KCNMB3: variants seen among roughly 807,000 people sequenced by gnomAD.
The protein encoded by KCNMB3 is calcium-activated potassium channel subunit beta-3.
KCNMB3 carries 18 observed loss-of-function variants against 11.9 expected under a neutral mutation model. That is an observed-to-expected ratio of 1.51 (90% CI 1.04 to 2.23). The LOEUF (loss-of-function observed/expected upper bound fraction) is 2.23, where lower values mean the gene tolerates loss of function less well. Among genes scored for constraint, KCNMB3 ranks in the 30% most tolerant of loss-of-function variants. The pLI, the probability that KCNMB3 is intolerant of heterozygous loss-of-function variation, is 0.00. For missense variants in KCNMB3, 247 were observed against 329.4 expected (o/e 0.75, Z 1.94); for synonymous variants, 78 against 119.2 (o/e 0.65, Z 2.25).
rs1725815827 is a variant in KCNMB3, at chr3:179,250,853, T to C, written c.138A>G (p.Pro46=). Residue 46 remains proline, a synonymous_variant, in exon 1 of 3, where the codon CCA becomes CCG. Transcript: ENST00000392685. ...GDPLDVHKRL[P]SSAGEDRAVM... Reference sequence around the variant, plus strand: ...CGGCTCGGTCCTCTCCAGCACTGGATGGCAGCCTCTTGTGCACATCTAGTG... The same window carrying C: ...CGGCTCGGTCCTCTCCAGCACTGGACGGCAGCCTCTTGTGCACATCTAGTG... 1.9e-6 allele frequency: 3 copies of C among 1,614,044 alleles called. No individual in the cohort carries two copies. The African/African-American group carries it at 4.0e-5, about 22-fold the overall frequency.
At chr3:179,261,195 G>A (rs1330718432) in intron 1 of KCNMB3, 2 of 1,349,568 alleles carry the variant, frequency 1.5e-6, no homozygotes, top group Non-Finnish European at 2.0e-6. Flanking sequence ...TTTGCGGCGA[G>A]CCGGGCCTCC....
chr3:179,266,679 G>A (rs1726378031), exon 1 of KCNMB3: 1 of 1,614,080 alleles, frequency 6.2e-7, no homozygotes, highest in East Asian at 2.2e-5. Context: ...GCCCTGAAGT[G>A]TGATTTGCAC....
At chr3:179,265,213 T>C (rs544184837) in intron 1 of KCNMB3, among the ~76,000 whole-genome samples, 3 of 152,328 alleles carry the variant, frequency 2.0e-5, no homozygotes, top group Admixed American at 6.5e-5. Context: ...CTTTCCTCTG[T>C]AGTCTGTCTG....
chr3:179,259,703 G>A, intron 1 of KCNMB3: 1 of 1,594,792 alleles, frequency 6.3e-7, no homozygotes, highest in Non-Finnish European at 8.5e-7. Context: ...TGGGTACTGG[G>A]GATTTTTTCC....
chr3:179,262,752 C>G (rs896668767), intron 1 of KCNMB3, among the ~76,000 whole-genome samples: 15 of 152,160 alleles, frequency 9.9e-5, no homozygotes, highest in African/African-American at 3.4e-4. Context: ...TCTCCACATC[C>G]CCACTAGATT....
intron 1 of KCNMB3, among the ~76,000 whole-genome samples, chr3:179,246,137 C>T (rs867433362): frequency 8.6e-5 from 13 of 151,950 alleles, no homozygotes; most frequent in African/African-American, 2.4e-4. Flanking sequence ...CAGGGCCAGG[C>T]GCAGTGGCTC....
At chr3:179,255,566 G>C (rs554154523), upstream of KCNMB3, among the ~76,000 whole-genome samples, 3 of 152,236 alleles carry the variant, frequency 2.0e-5, 1 homozygote, top group South Asian at 4.1e-4. Flanking sequence ...AAGTATTAAA[G>C]AGAGGTTCAG....
At chr3:179,252,824 C>T (rs893975394), upstream of KCNMB3, among the ~76,000 whole-genome samples, 5 of 151,468 alleles carry the variant, frequency 3.3e-5, no homozygotes, top group Non-Finnish European at 4.4e-5. Context: ...CTCCGTCTCC[C>T]GGGTTCAAGC....
At chr3:179,243,902 A>G (rs1354243395) in intron 2 of KCNMB3, among the ~76,000 whole-genome samples, 1 of 152,222 alleles carries the variant, frequency 6.6e-6, no homozygotes, top group African/African-American at 2.4e-5. Flanking sequence ...ACTGTTTGAA[A>G]TCTTAAAAAT....
chr3:179,261,134 C>T (rs990640133), intron 1 of KCNMB3: 12 of 1,324,700 alleles, frequency 9.1e-6, no homozygotes, highest in East Asian at 2.4e-5. Context: ...CTTCTGCTGC[C>T]GCTCCAGCTC....
exon 1 of KCNMB3, chr3:179,266,830 G>A: frequency 1.9e-5 from 28 of 1,460,732 alleles, no homozygotes; most frequent in Non-Finnish European, 2.5e-5. Context: ...CCAGCCCCCA[G>A]CGCAGCTGCA....
chr3:179,246,791 T>C lies in KCNMB3; in HGVS notation c.249-2098A>G, dbSNP rs560815139. ...GACCGAGTACTGAACTGAGTATGATTTGAATTTTCCTTAAAGATTTTAGAA... is the reference window on the plus strand; with the variant it reads ...GACCGAGTACTGAACTGAGTATGATCTGAATTTTCCTTAAAGATTTTAGAA... On this transcript the variant is annotated intron_variant, in intron 1 of 2. Coordinates refer to ENST00000392685, the MANE Select transcript of KCNMB3 (RefSeq NM_171830.2). Among the ~76,000 whole-genome samples, 8 of 152,354 alleles carry C rather than the reference T, an allele frequency of 5.3e-5. No homozygotes were observed. The East Asian group carries it at 5.8e-4, about 11-fold the overall frequency.
chr3:179,253,197 T>C (rs182474820), upstream of KCNMB3, among the ~76,000 whole-genome samples: 15 of 152,314 alleles, frequency 9.8e-5, no homozygotes, highest in East Asian at 2.5e-3. Flanking sequence ...TCCCAGAGGT[T>C]TATTGTAAGA....
At chr3:179,258,075 A>G (rs1726080208) in intron 1 of KCNMB3, among the ~76,000 whole-genome samples, 1 of 152,056 alleles carries the variant, frequency 6.6e-6, no homozygotes, top group African/African-American at 2.4e-5. Flanking sequence ...TCGTAGAGAC[A>G]GGGTTTCACC....
At chr3:179,262,117 T>A (rs989695085) in intron 1 of KCNMB3, among the ~76,000 whole-genome samples, 1 of 152,232 alleles carries the variant, frequency 6.6e-6, no homozygotes, top group Non-Finnish European at 1.5e-5. Context: ...CAGATTATGA[T>A]GTATTTTTAT....
In KCNMB3 at chr3:179,250,855, G is replaced by T; in HGVS notation, c.136C>A (p.Pro46Thr). The change falls in exon 1 of 3, where the codon CCA (proline) becomes ACA (threonine). Residue 46 changes from proline (P) to threonine (T), a missense_variant. By Grantham distance (38) the Pro-to-Thr change is conservative. Coordinates refer to ENST00000392685, the MANE Select transcript of KCNMB3 (RefSeq NM_171830.2). ...GDPLDVHKRLPSSAGEDRAVM... is the reference protein window; with the variant it reads ...GDPLDVHKRLTSSAGEDRAVM... ...GCTCGGTCCTCTCCAGCACTGGATG[G>T]CAGCCTCTTGTGCACATCTAGTGGG... The T allele has an allele frequency of 6.2e-7, 1 of 1,614,158 alleles. No individual in the cohort carries two copies. Among genetic ancestry groups the T allele is most frequent in the Non-Finnish European group, 8.5e-7 (1 of 1,180,014 alleles).
At chr3:179,241,751 T>C (rs1725464310), downstream of KCNMB3, 1 of 153,524 alleles carries the variant, frequency 6.5e-6, no homozygotes, top group African/African-American at 2.4e-5. Flanking sequence ...GTACAGACAA[T>C]TGTTGACTAT....
At chr3:179,262,948 G>A (rs757078447) in intron 1 of KCNMB3, among the ~76,000 whole-genome samples, 2 of 152,218 alleles carry the variant, frequency 1.3e-5, no homozygotes, top group African/African-American at 2.4e-5. Context: ...AAACATAAAC[G>A]TTCTCCAAGT....
downstream of KCNMB3, chr3:179,241,303 G>A (rs1375538352): frequency 8.5e-5 from 13 of 153,316 alleles, no homozygotes; most frequent in Admixed American, 5.9e-4. Flanking sequence ...GGTTTACACA[G>A]GTTAGCTTAT....
Sources: allele counts gnomAD v4.1 joint callset (sites outside exome capture counted in the v4.1 genomes callset), GRCh38; gene constraint gnomAD v4.1.1; transcripts MANE v1.5; gene names NCBI Gene and HGNC (gene_info 2026-07-23, HGNC 2026-07-21).